BRF1: variants seen among roughly 807,000 people sequenced by gnomAD.
BRF1 encodes the protein BRF1 general transcription factor IIIB subunit.
A neutral mutation model predicts 81.7 loss-of-function variants in BRF1; 59 were observed. The observed-to-expected ratio is 0.72, with a 90% confidence interval of 0.59 to 0.90. The LOEUF (loss-of-function observed/expected upper bound fraction) is 0.90, where lower values mean the gene tolerates loss of function less well. BRF1 is among the 40% of genes least tolerant of loss of function. The pLI is 0.00. For missense variants in BRF1, 1,050 were observed against 936.3 expected (o/e 1.12, Z -1.58); for synonymous variants, 491 against 395.6 (o/e 1.24, Z -2.86).
At chr14:105,302,153 A>T (rs72711566), upstream of BRF1, among the ~76,000 whole-genome samples, 4,874 of 151,518 alleles carry the variant, frequency 0.032, 146 homozygotes, top group African/African-American at 0.074. Flanking sequence ...TCTCAAAAAA[A>T]AAAAAGAGAA....
At chr14:105,224,111 T>C (rs1257151919) in intron 10 of BRF1, among the ~76,000 whole-genome samples, 2 of 152,240 alleles carry the variant, frequency 1.3e-5, no homozygotes, top group Non-Finnish European at 2.9e-5. Context: ...GGCTCACTCC[T>C]GTAATCCCGC....
chr14:105,218,836 T>C (rs868784966), intron 14 of BRF1, among the ~76,000 whole-genome samples, 162 bp downstream of exon 14: 29 of 152,266 alleles, frequency 1.9e-4, no homozygotes, highest in South Asian at 8.3e-4. Context: ...CAGGACCTAG[T>C]GGTTAAGGAC....
chr14:105,219,616 GAA>G (rs1891921349), intron 12 of BRF1: 3 of 417,454 alleles, frequency 7.2e-6, no homozygotes, highest in Non-Finnish European at 1.3e-5. Flanking sequence ...ACGTGGCCAT[GAA>G]ATCAGGGAAG....
At chr14:105,272,052 C>G (rs1321958181) in intron 3 of BRF1, among the ~76,000 whole-genome samples, 7 of 40,578 alleles carry the variant, frequency 1.7e-4, no homozygotes, top group African/African-American at 4.3e-4. Flanking sequence ...TGAGGGTCGG[C>G]GGCCTCCCCG....
In BRF1 at chr14:105,226,358, C is replaced by A. The variant is rs587663989; in HGVS notation, c.916-68G>T. 4 of 1,599,362 alleles carry A rather than the reference C, an allele frequency of 2.5e-6. No homozygotes were observed. In the African/African-American group the frequency reaches 5.4e-5, roughly 21 times the overall value. On this transcript the variant is annotated intron_variant, in intron 8 of 17. Coordinates refer to ENST00000547530, the MANE Select transcript of BRF1 (RefSeq NM_001519.4). ...GGTGCACAGCGCAGCCTCTGGGGTGCCGCGTGGGCCCCAGGGACCACAGGC... is the reference window on the plus strand; with the variant it reads ...GGTGCACAGCGCAGCCTCTGGGGTGACGCGTGGGCCCCAGGGACCACAGGC...
intron 1 of BRF1, among the ~76,000 whole-genome samples, chr14:105,298,848 CTGTCT>C: frequency 7.0e-6 from 1 of 143,214 alleles, no homozygotes; most frequent in East Asian, 2.1e-4. Flanking sequence ...GAGCAAGATT[CTGTCT>C]CAAAAAAAAA....
intron 4 of BRF1, among the ~76,000 whole-genome samples, chr14:105,252,903 G>A (rs940725807): frequency 6.6e-6 from 1 of 152,346 alleles, no homozygotes; most frequent in African/African-American, 2.4e-5. Context: ...GCACACCCAT[G>A]AACACAAAAC....
intron 5 of BRF1, chr14:105,248,617 C>A (rs2055327235): frequency 1.0e-6 from 1 of 975,862 alleles, no homozygotes; most frequent in Non-Finnish European, 1.2e-6. Flanking sequence ...CGGGCCTGGC[C>A]GGGCTGCGCT....
At chr14:105,262,588 C>T (rs1566846858) in intron 3 of BRF1, among the ~76,000 whole-genome samples, 1 of 152,218 alleles carries the variant, frequency 6.6e-6, no homozygotes, top group Non-Finnish European at 1.5e-5. Flanking sequence ...TTCAAGGGTA[C>T]CCAGGTGCCT....
upstream of BRF1, among the ~76,000 whole-genome samples, chr14:105,302,590 A>G (rs1037923435): frequency 6.6e-6 from 1 of 151,412 alleles, no homozygotes; most frequent in Non-Finnish European, 1.5e-5. Flanking sequence ...TAGTTTCTTC[A>G]TTTTTTAAAA....
chr14:105,249,441 C>G (rs771279024), intron 5 of BRF1: 1 of 1,613,534 alleles, frequency 6.2e-7, no homozygotes, highest in South Asian at 1.1e-5. Context: ...AATTCACATT[C>G]CAGACGTGGA....
intron 11 of BRF1, 98 bp from the exon 12 acceptor site, chr14:105,220,228 AG>A (rs2141467679): frequency 1.4e-6 from 2 of 1,406,762 alleles, no homozygotes; most frequent in African/African-American, 1.4e-5. Context: ...GTCTGGGCTA[AG>A]GGCTTTCTAG....
rs1163494579 is a variant in BRF1 at position 105,228,805 on chromosome 14, A to G, written c.788+15T>C. On this transcript the variant is annotated intron_variant, in intron 7 of 17. Coordinates refer to ENST00000547530, the MANE Select transcript of BRF1 (RefSeq NM_001519.4). Reference sequence around the variant, plus strand: ...CCTCTGTGTGGTCCCCATGCCATGAATGAGAGCCCCTCACCTCTTCCGCAG... The same window carrying G: ...CCTCTGTGTGGTCCCCATGCCATGAGTGAGAGCCCCTCACCTCTTCCGCAG... 1 of 1,613,522 alleles carries G rather than the reference A, an allele frequency of 6.2e-7. No homozygotes were observed. Among genetic ancestry groups the G allele is most frequent in the Non-Finnish European group, 8.5e-7 (1 of 1,179,824 alleles).
chr14:105,211,980 A>G (rs1890189599), intron 16 of BRF1, 133 bp downstream of exon 16: 2 of 1,333,748 alleles, frequency 1.5e-6, no homozygotes, highest in Non-Finnish European at 2.1e-6. Context: ...CATGCCAGGC[A>G]AGTATGGGGC....
chr14:105,301,294 G>A (rs1040677310), upstream of BRF1: 14 of 146,542 alleles, frequency 9.6e-5, no homozygotes, highest in African/African-American at 2.7e-4. Flanking sequence ...CTGGGGTGAG[G>A]ACTCAGCCGG....
chr14:105,272,159 C>T (rs2056683273), intron 3 of BRF1, among the ~76,000 whole-genome samples: 1 of 113,718 alleles, frequency 8.8e-6, no homozygotes, highest in African/African-American at 3.0e-5. Flanking sequence ...TCACGGTGTC[C>T]ACACACAAGG....
In BRF1 at chr14:105,217,715, ATCT is replaced by A. The variant is rs868673013; in HGVS notation, c.1598_1600del (p.Lys533del). On this transcript the variant is annotated inframe_deletion, in exon 15 of 18. Transcript: ENST00000547530. ...CACGCTATAATTGATCTTGCTGGAG[ATCT>A]TCTTCTGCTCCAGCATCTTCTCGAT... The A allele has an allele frequency of 2.5e-5, 40 of 1,613,086 alleles. No homozygotes were observed. Among genetic ancestry groups the A allele is most frequent in the Non-Finnish European group, 3.1e-5 (37 of 1,179,990 alleles).
chr14:105,220,293 C>T (rs373487592), intron 11 of BRF1, among the ~76,000 whole-genome samples, 163 bp from the exon 12 acceptor site: 40 of 152,316 alleles, frequency 2.6e-4, no homozygotes, highest in Middle Eastern at 3.4e-3. Flanking sequence ...CCCACATGAC[C>T]GCACCTCTTT....
At chr14:105,214,907 C>T (rs960315344) in intron 15 of BRF1, among the ~76,000 whole-genome samples, 3 of 152,172 alleles carry the variant, frequency 2.0e-5, no homozygotes, top group East Asian at 3.9e-4. Context: ...TGAAAAGCTG[C>T]CCCCATGGGC....
Sources: allele counts gnomAD v4.1 joint callset (sites outside exome capture counted in the v4.1 genomes callset), GRCh38; gene constraint gnomAD v4.1.1; transcripts MANE v1.5; gene names NCBI Gene and HGNC (gene_info 2026-07-23, HGNC 2026-07-21).